The following PCSK5 variants were observed in gnomAD, a reference collection of about 807,000 sequenced individuals.
PCSK5 encodes the protein proprotein convertase subtilisin/kexin type 5.
PCSK5 carries 129 observed loss-of-function variants against 233.2 expected under a neutral mutation model. The observed-to-expected ratio is 0.55, with a 90% CI of 0.48 to 0.64. The LOEUF is 0.64. PCSK5 is among the 30% of genes least tolerant of loss of function. PCSK5 has a pLI of 0.00. For missense variants in PCSK5, 2,076 were observed against 2,430.1 expected (o/e 0.85, Z 3.06); for synonymous variants, 825 against 879.2 (o/e 0.94, Z 1.09).
intron 5 of PCSK5, among the ~76,000 whole-genome samples, chr9:76,055,159 A>T (rs1036906530): frequency 2.6e-5 from 4 of 152,148 alleles, no homozygotes; most frequent in African/African-American, 9.7e-5. Flanking sequence ...TTAAAAGTTC[A>T]TGCTTAAGAT....
chr9:75,908,937 C>CTCTCTG (rs1212439160), intron 1 of PCSK5, among the ~76,000 whole-genome samples: 1 of 89,508 alleles, frequency 1.1e-5, no homozygotes, highest in African/African-American at 3.6e-5. Context: ...CTATCTCTCT[C>CTCTCTG]TCTGTCTATC....
At chr9:76,220,912 A>C (rs779919354) in intron 20 of PCSK5, among the ~76,000 whole-genome samples, 29 of 152,070 alleles carry the variant, frequency 1.9e-4, no homozygotes, top group Non-Finnish European at 4.0e-4. Flanking sequence ...AAATCCCCCC[A>C]GTCTTCCCCA....
At chr9:76,170,272 G>T (rs940202068) in intron 13 of PCSK5, among the ~76,000 whole-genome samples, 2 of 152,158 alleles carry the variant, frequency 1.3e-5, no homozygotes, top group African/African-American at 2.4e-5. Context: ...ATTGAGCTCG[G>T]CCCATGCCAG....
intron 3 of PCSK5, among the ~76,000 whole-genome samples, chr9:75,989,614 C>T (rs907740802): frequency 5.3e-5 from 8 of 152,138 alleles, no homozygotes; most frequent in African/African-American, 1.9e-4. Context: ...GACTCAAAGG[C>T]TTGGTGAGAG....
chr9:76,239,644 C>T (rs1399988651), intron 23 of PCSK5, among the ~76,000 whole-genome samples: 2 of 147,702 alleles, frequency 1.4e-5, no homozygotes, highest in African/African-American at 2.5e-5. Context: ...TGCAGTGATC[C>T]GAGATCACAC....
intron 24 of PCSK5, among the ~76,000 whole-genome samples, chr9:76,255,205 T>C (rs1382494676): frequency 6.6e-6 from 1 of 152,098 alleles, no homozygotes; most frequent in African/African-American, 2.4e-5. Flanking sequence ...GATGATTGCC[T>C]GAGCCCGGGA....
At chr9:76,358,067 A>G (rs1830346619) in intron 37 of PCSK5, among the ~76,000 whole-genome samples, 1 of 152,186 alleles carries the variant, frequency 6.6e-6, no homozygotes, top group African/African-American at 2.4e-5. Context: ...CTGGTGACTG[A>G]CCTACGAGGT....
intron 28 of PCSK5, among the ~76,000 whole-genome samples, chr9:76,308,062 T>C (rs914825570): frequency 2.6e-5 from 4 of 152,096 alleles, no homozygotes; most frequent in African/African-American, 7.2e-5. Context: ...CTGGGCATGG[T>C]AGTGCGCACC....
chr9:76,198,654 G>A (rs1397725003), intron 20 of PCSK5, among the ~76,000 whole-genome samples: 2 of 152,172 alleles, frequency 1.3e-5, no homozygotes, highest in Non-Finnish European at 2.9e-5. Flanking sequence ...AAAGCACACT[G>A]TGTGCCTGGG....
chr9:76,031,329 T>C lies in PCSK5; in HGVS notation c.632+4292T>C, dbSNP rs1038583874. Among the ~76,000 whole-genome samples, 11 of 152,312 alleles carry C rather than the reference T, an allele frequency of 7.2e-5. No individual in the cohort carries two copies. The South Asian group carries it at 2.3e-3, about 32-fold the overall frequency. ...CCTTGGCTCTCCTTGATTATCTTTATGGTCTTTTGAGCTAACAACTGAGCT... is the reference window on the plus strand; with the variant it reads ...CCTTGGCTCTCCTTGATTATCTTTACGGTCTTTTGAGCTAACAACTGAGCT... On this transcript the variant is annotated intron_variant, in intron 5 of 37. Coordinates refer to ENST00000674117, the MANE Select transcript of PCSK5 (RefSeq NM_001372043.1).
chr9:76,292,338 T>A, intron 25 of PCSK5, 63 bp downstream of exon 25: 2 of 1,033,870 alleles, frequency 1.9e-6, no homozygotes, highest in Non-Finnish European at 3.0e-6. Context: ...ACTGACATAA[T>A]CCTCAATCCA....
At chr9:75,954,423 C>T (rs1825005134) in intron 2 of PCSK5, among the ~76,000 whole-genome samples, 1 of 152,140 alleles carries the variant, frequency 6.6e-6, no homozygotes, top group African/African-American at 2.4e-5. Flanking sequence ...CTCCCCCTCC[C>T]GCTCCTAGTA....
At chr9:76,087,253 C>T (rs1831101750) in intron 7 of PCSK5, among the ~76,000 whole-genome samples, 1 of 152,204 alleles carries the variant, frequency 6.6e-6, no homozygotes, top group African/African-American at 2.4e-5. Context: ...TCTACTAAGC[C>T]TTTTGTGAGT....
At chr9:76,193,952 C>T (rs1290479307) in intron 20 of PCSK5, 1 of 152,586 alleles carries the variant, frequency 6.6e-6, no homozygotes, top group Non-Finnish European at 1.5e-5. Flanking sequence ...TCATTTACTT[C>T]ATGCTGTGTA....
intron 7 of PCSK5, among the ~76,000 whole-genome samples, chr9:76,080,826 C>G (rs1486192703): frequency 6.6e-6 from 1 of 152,132 alleles, no homozygotes; most frequent in African/African-American, 2.4e-5. Context: ...TCTCTAAATA[C>G]GTTATGAATC....
At chr9:76,299,315 C>T (rs1048643074) in intron 27 of PCSK5, among the ~76,000 whole-genome samples, 17 of 152,200 alleles carry the variant, frequency 1.1e-4, no homozygotes, top group African/African-American at 4.1e-4. Context: ...CCCAGACCCT[C>T]TCTCCTGGTC....
At chr9:75,983,320 T>C (rs894630988) in intron 2 of PCSK5, among the ~76,000 whole-genome samples, 1 of 152,148 alleles carries the variant, frequency 6.6e-6, no homozygotes, top group African/African-American at 2.4e-5. Context: ...GCTTGCCCCA[T>C]GTGTAGTGTC....
At chr9:76,182,125 A>AAGTG (rs1428667226) in intron 16 of PCSK5, among the ~76,000 whole-genome samples, 2 of 152,148 alleles carry the variant, frequency 1.3e-5, no homozygotes, top group African/African-American at 4.8e-5. Flanking sequence ...AGTTTAGACA[A>AAGTG]AGTGAGCCAC....
chr9:76,332,738 G>A, intron 34 of PCSK5, 128 bp downstream of exon 34: 1 of 680,498 alleles, frequency 1.5e-6, no homozygotes, highest in Non-Finnish European at 2.5e-6. Flanking sequence ...TGCTAGTAAG[G>A]AGCAAAGATG....
Sources: allele counts gnomAD v4.1 joint callset (sites outside exome capture counted in the v4.1 genomes callset), GRCh38; gene constraint gnomAD v4.1.1; transcripts MANE v1.5; gene names NCBI Gene and HGNC (gene_info 2026-07-23, HGNC 2026-07-21).